The following TEX264 variants were observed in gnomAD, a reference collection of about 807,000 sequenced individuals.
TEX264 encodes testis-expressed protein 264.
TEX264 carries 13 observed loss-of-function variants against 23.4 expected under a neutral mutation model. The ratio of observed to expected loss-of-function variants is 0.56; its 90% CI spans 0.36 to 0.88. TEX264 has a LOEUF of 0.88. Ranked by LOEUF, TEX264 falls within the 40% of genes least tolerant of loss-of-function variation. The pLI is 0.01. For synonymous variants in TEX264, 159 were observed against 170.0 expected (o/e 0.94, Z 0.50); for missense variants, 340 against 406.8 (o/e 0.84, Z 1.41).
Position 51,694,070 on chromosome 3 carries a change from C to CCCTT in TEX264, c.481-5329_481-5326dup, listed in dbSNP as rs60975812. Among the ~76,000 whole-genome samples the CCCTT allele has an allele frequency of 3.0e-4, 31 of 102,544 alleles. 1 individual carries two copies. The South Asian group carries it at 5.7e-3, about 19-fold the overall frequency. The allele number at this position is 102,544 out of a possible 152,430, so 67.3% of individuals were successfully genotyped here. On this transcript the variant is annotated intron_variant, in intron 3 of 4. Transcript: ENST00000341333. Reference sequence around the variant, plus strand: ...TCCTCCCTTCCCTTCCCTTCCCTTCCCCTTCCTTCCGTCCGTCCTTCCTTC... The same window carrying CCCTT: ...TCCTCCCTTCCCTTCCCTTCCCTTCCCCTTCCTTCCTTCCGTCCGTCCTTCCTTC...
chr3:51,684,559 C>T lies in TEX264; in HGVS notation c.405C>T (p.Thr135=), dbSNP rs1005451681. The T allele has an allele frequency of 3.1e-6, 5 of 1,614,232 alleles. No homozygotes were observed. The highest frequency in any genetic ancestry group is 4.2e-6 in the Non-Finnish European group (5 of 1,180,038). Residue 135 remains threonine, a synonymous_variant, in exon 3 of 5, where the codon ACC becomes ACT. Transcript: ENST00000341333. ...CACCCAGCCATGTGGTGACAGCCAC[C>T]TTCCCCTACACCACCATTCTGTCCA... ...FPAPSHVVTA[T]FPYTTILSIW...
intron 2 of TEX264, among the ~76,000 whole-genome samples, chr3:51,675,490 T>C (rs554100730): frequency 1.3e-5 from 2 of 152,348 alleles, no homozygotes; most frequent in East Asian, 3.9e-4. Flanking sequence ...AAACAGGATG[T>C]ACTGGTTCCC....
intron 2 of TEX264, chr3:51,682,697 A>C (rs537969230): frequency 2.0e-5 from 3 of 152,188 alleles, no homozygotes; most frequent in African/African-American, 4.8e-5. Flanking sequence ...CTTGTCTAGA[A>C]TCACACGACT....
intron 2 of TEX264, among the ~76,000 whole-genome samples, chr3:51,676,170 G>A (rs774026649): frequency 3.3e-5 from 5 of 152,170 alleles, no homozygotes; most frequent in African/African-American, 4.8e-5. Context: ...CAAGGGCTCC[G>A]TTGTGTAAGG....
intron 1 of TEX264, chr3:51,672,410 C>T (rs1037653723): frequency 6.6e-6 from 1 of 152,274 alleles, no homozygotes; most frequent in Admixed American, 6.5e-5. Context: ...TTCTTCCCCC[C>T]CGCCGTTTTC....
chr3:51,703,837 G>T lies in TEX264; in HGVS notation c.763G>T (p.Gly255Cys), dbSNP rs200798093. The T allele has an allele frequency of 1.2e-6, 2 of 1,612,872 alleles. No homozygotes were observed. The highest frequency in any genetic ancestry group is 1.7e-5 in the Admixed American group (1 of 59,996). The change falls in exon 5 of 5, where the codon GGT becomes TGT. Residue 255 changes from glycine (G) to cysteine (C), a missense_variant. Gly to Cys is a radical substitution (Grantham distance 159). Transcript: ENST00000341333. The surrounding 1 kb of genome is among the most constrained non-coding windows in gnomAD (Gnocchi z 4.8). ...PGASSRGWDD[G>C]DTRSEHSYSE... Reference sequence around the variant, plus strand: ...GGCGAGCAGCCGTGGCTGGGATGACGGTGACACCCGCAGCGAGCACAGCTA... The same window carrying T: ...GGCGAGCAGCCGTGGCTGGGATGACTGTGACACCCGCAGCGAGCACAGCTA...
intron 3 of TEX264, among the ~76,000 whole-genome samples, chr3:51,697,397 A>C (rs546738631): frequency 6.6e-6 from 1 of 152,204 alleles, no homozygotes; most frequent in African/African-American, 2.4e-5. Flanking sequence ...TAGGGTCCCC[A>C]TTGTCCCTGG....
At position 51,703,579 on chromosome 3, in the gene TEX264, G is replaced by A. The variant is rs959211499; in HGVS notation, c.650-145G>A. On this transcript the variant is annotated intron_variant, in intron 4 of 4. Coordinates refer to ENST00000341333, the MANE Select transcript of TEX264 (RefSeq NM_015926.6). This position sits in a 1 kb window ranked among gnomAD's most constrained non-coding sequence, Gnocchi z 4.8. ...CCCTGTCTGTGCAGCCCCAGTCAGGGTAGAGGGCAGAGGGCAGCTGGAGCA... is the reference window on the plus strand; with the variant it reads ...CCCTGTCTGTGCAGCCCCAGTCAGGATAGAGGGCAGAGGGCAGCTGGAGCA... 1.5e-5 allele frequency: 11 copies of A among 746,588 alleles called. No individual in the cohort carries two copies. The highest frequency in any genetic ancestry group is 1.4e-4 in the African/African-American group (8 of 57,036). The allele number at this position is 746,588 out of a possible 1,614,324, so 46.2% of individuals were successfully genotyped here.
intron 3 of TEX264, among the ~76,000 whole-genome samples, chr3:51,688,992 A>G (rs888860762): frequency 3.3e-5 from 5 of 152,046 alleles, no homozygotes; most frequent in Middle Eastern, 3.4e-3. Flanking sequence ...TTAGCCAGGC[A>G]TTTGTAGTCC....
rs557943526 is a variant in TEX264, at chr3:51,686,859, G to C, written c.480+2225G>C. Among the ~76,000 whole-genome samples the C allele has an allele frequency of 6.6e-4, 100 of 152,304 alleles. No homozygotes were observed. The highest frequency in any genetic ancestry group is 2.5e-3 in the South Asian group (12 of 4,828). ...CACCCCTGGGAAAGAGACTTCTTGG[G>C]TTCCAGACCTCAGAACAGGACATGT... On this transcript the variant is annotated intron_variant, in intron 3 of 4. Coordinates refer to ENST00000341333, the MANE Select transcript of TEX264 (RefSeq NM_015926.6). This position sits in a 1 kb window ranked among gnomAD's most constrained non-coding sequence, Gnocchi z 4.1.
At chr3:51,692,796 T>A (rs1283817335) in intron 3 of TEX264, among the ~76,000 whole-genome samples, 1 of 152,188 alleles carries the variant, frequency 6.6e-6, no homozygotes, top group African/African-American at 2.4e-5. Flanking sequence ...CCTCCCAGAT[T>A]TGCAAGGGAG....
intron 2 of TEX264, among the ~76,000 whole-genome samples, chr3:51,678,179 G>A (rs1702293957): frequency 6.6e-6 from 1 of 152,188 alleles, no homozygotes; most frequent in Admixed American, 6.5e-5. Flanking sequence ...TTCTGCGGTG[G>A]GTGCTGGGGG....
rs1228752835 is a variant in TEX264 at position 51,703,954 on chromosome 3, G to A, written c.880G>A (p.Glu294Lys). 6.3e-7 allele frequency: 1 copy of A among 1,583,842 alleles called. No homozygotes were observed. Among genetic ancestry groups the A allele is most frequent in the South Asian group, 1.1e-5 (1 of 88,744 alleles). ...LGESRLDPGT[E>K]PLGTTKWLWE... is the part of the protein sequence containing the mutation. ...GGAGTCACGGCTGGACCCTGGGACTGAGCCCCTGGGGACTACCAAGTGGCT... is the reference window on the plus strand; with the variant it reads ...GGAGTCACGGCTGGACCCTGGGACTAAGCCCCTGGGGACTACCAAGTGGCT... Residue 294 changes from glutamate to lysine, a missense_variant, in exon 5 of 5, where the codon GAG becomes AAG. By Grantham distance (56) the Glu-to-Lys change is moderately conservative. Transcript: ENST00000341333. This position sits in a 1 kb window ranked among gnomAD's most constrained non-coding sequence, Gnocchi z 4.8.
intron 4 of TEX264, among the ~76,000 whole-genome samples, chr3:51,700,785 CCAGCTCCT>C: frequency 6.6e-6 from 1 of 152,050 alleles, no homozygotes; most frequent in Admixed American, 6.5e-5. Flanking sequence ...CCCACATTCC[CCAGCTCCT>C]CAGCCTGTTT....
rs1268306812 is a variant in TEX264, at chr3:51,686,091, A to G, written c.480+1457A>G. Among the ~76,000 whole-genome samples the G allele has an allele frequency of 6.6e-6, 1 of 151,974 alleles. No homozygotes were observed. Among genetic ancestry groups the G allele is most frequent in the African/African-American group, 2.4e-5 (1 of 41,380 alleles). ...AGGGGAGCTGCCTGAGATACATCTA[A>G]GTTGGGGGGTGTGGAGTCAGCAATG... On this transcript the variant is annotated intron_variant, in intron 3 of 4. Coordinates refer to ENST00000341333, the MANE Select transcript of TEX264 (RefSeq NM_015926.6). This position sits in a 1 kb window ranked among gnomAD's most constrained non-coding sequence, Gnocchi z 4.1.
In TEX264 at chr3:51,686,696, G is replaced by A. The variant is rs1272367962; in HGVS notation, c.480+2062G>A. Among the ~76,000 whole-genome samples, 1 of 152,068 alleles carries A rather than the reference G, an allele frequency of 6.6e-6. No individual in the cohort carries two copies. The highest frequency in any genetic ancestry group is 1.9e-4 in the East Asian group (1 of 5,178). ...AGGTGGGGGCGGGCTGGCTGGTGGTGTGGGCAGGAAGGAAGATACCAGTGC... is the reference window on the plus strand; with the variant it reads ...AGGTGGGGGCGGGCTGGCTGGTGGTATGGGCAGGAAGGAAGATACCAGTGC... On this transcript the variant is annotated intron_variant, in intron 3 of 4. Coordinates refer to ENST00000341333, the MANE Select transcript of TEX264 (RefSeq NM_015926.6). This position sits in a 1 kb window ranked among gnomAD's most constrained non-coding sequence, Gnocchi z 4.1.
chr3:51,678,122 C>A (rs1258096351), intron 2 of TEX264, among the ~76,000 whole-genome samples: 1 of 152,176 alleles, frequency 6.6e-6, no homozygotes, highest in Admixed American at 6.5e-5. Flanking sequence ...CCTTGCATGA[C>A]TGGGGAAGGG....
intron 2 of TEX264, among the ~76,000 whole-genome samples, chr3:51,679,765 T>C (rs1009789314): frequency 4.7e-4 from 71 of 152,200 alleles, no homozygotes; most frequent in Non-Finnish European, 1.0e-4. Flanking sequence ...AGAGGAAGGT[T>C]CCTGAAAGGT....
At chr3:51,681,260 G>T (rs997125241) in intron 2 of TEX264, 1 of 152,286 alleles carries the variant, frequency 6.6e-6, no homozygotes, top group African/African-American at 2.4e-5. Flanking sequence ...GGGAGAGGAA[G>T]TTTGTTATGG....
Sources: gnomAD v4.1 joint callset for allele counts (sites outside exome capture counted in the v4.1 genomes callset) on GRCh38, gnomAD v4.1.1 for gene constraint, Gnocchi (gnomAD v3.1) non-coding constraint, MANE v1.5 for transcripts, NCBI Gene and HGNC (gene_info 2026-07-23, HGNC 2026-07-21) for gene names.